Variants in HSD17B4 observed in about 807,000 individuals in gnomAD.
HSD17B4 encodes peroxisomal multifunctional enzyme type 2.
HSD17B4 carries 70 observed loss-of-function variants against 101.0 expected under a neutral mutation model. The observed-to-expected ratio is 0.69, with a 90% CI of 0.57 to 0.85. HSD17B4 has a LOEUF of 0.85. HSD17B4 is among the 40% of genes least tolerant of loss of function. HSD17B4 has a pLI of 0.00. For missense variants in HSD17B4, 984 were observed against 892.4 expected (o/e 1.10, Z -1.31); for synonymous variants, 347 against 297.1 (o/e 1.17, Z -1.73).
At chr5:119,459,585 T>C (rs568490719) in intron 2 of HSD17B4, among the ~76,000 whole-genome samples, 67 of 152,298 alleles carry the variant, frequency 4.4e-4, no homozygotes, top group South Asian at 8.3e-4. Context: ...TTATTTCTTA[T>C]AGTTATGTAG....
At chr5:119,456,661 C>T (rs754366229) in intron 2 of HSD17B4, 26 of 434,554 alleles carry the variant, frequency 6.0e-5, no homozygotes, top group Non-Finnish European at 7.6e-5. Flanking sequence ...GTGGGAGGAT[C>T]GCTTGAGACC....
At chr5:119,467,369 C>T (rs1245901169) in intron 2 of HSD17B4, among the ~76,000 whole-genome samples, 5 of 152,036 alleles carry the variant, frequency 3.3e-5, no homozygotes, top group African/African-American at 1.2e-4. Flanking sequence ...GATGATCTGC[C>T]CAATGCCATG....
chr5:119,492,664 G>T (rs1209414255), intron 10 of HSD17B4: 1 of 152,088 alleles, frequency 6.6e-6, no homozygotes, highest in Non-Finnish European at 1.5e-5. Flanking sequence ...TTCCGCTTTA[G>T]CCCAATAGTT....
intron 20 of HSD17B4, among the ~76,000 whole-genome samples, chr5:119,528,439 G>A (rs73790882): frequency 6.6e-6 from 1 of 151,990 alleles, no homozygotes; most frequent in Non-Finnish European, 1.5e-5. Flanking sequence ...CTGTCCTTCA[G>A]GCTTAAGTTC....
chr5:119,470,846 T>G (rs1409007290), intron 2 of HSD17B4, among the ~76,000 whole-genome samples: 1 of 152,238 alleles, frequency 6.6e-6, no homozygotes. Flanking sequence ...GATTTTAATT[T>G]CTGTGATTTC....
Position 119,474,417 on chromosome 5 carries a change from A to G in HSD17B4, c.237A>G (p.Gly79=). The G allele has an allele frequency of 6.2e-7, 1 of 1,609,806 alleles. No individual in the cohort carries two copies. The highest frequency in any genetic ancestry group is 1.7e-5 in the Admixed American group (1 of 60,020). The change falls in exon 4 of 24, where the codon GGA becomes GGG. Residue 79 remains glycine (G), a synonymous_variant. Coordinates refer to ENST00000510025, the MANE Select transcript of HSD17B4 (RefSeq NM_000414.4). ...AVANYDSVEE[G]EKVVKTALDA... is the part of the protein sequence containing the mutation. ...TTCCCTCAGATTCAGTGGAAGAAGG[A>G]GAGAAGGTTGTGAAGACAGCCCTGG...
At chr5:119,477,120 CA>C (rs1160954153) in intron 6 of HSD17B4, among the ~76,000 whole-genome samples, 1 of 152,004 alleles carries the variant, frequency 6.6e-6, no homozygotes, top group Non-Finnish European at 1.5e-5. Flanking sequence ...TTTATATTAG[CA>C]AAATTTTTAT....
chr5:119,504,709 T>C (rs1488047967), intron 14 of HSD17B4, among the ~76,000 whole-genome samples: 1 of 152,198 alleles, frequency 6.6e-6, no homozygotes, highest in African/African-American at 2.4e-5. Context: ...TGAGAATATT[T>C]TCTCCCATTC....
chr5:119,489,077 T>G, intron 8 of HSD17B4, 115 bp from the exon 9 acceptor site: 1 of 731,540 alleles, frequency 1.4e-6, no homozygotes, highest in South Asian at 1.5e-5. Flanking sequence ...ACTAGTTATA[T>G]ACATACTAAT....
intron 14 of HSD17B4, among the ~76,000 whole-genome samples, chr5:119,506,592 A>G (rs1751675200): frequency 6.6e-6 from 1 of 152,224 alleles, no homozygotes; most frequent in Non-Finnish European, 1.5e-5. Flanking sequence ...GAATCGCCAC[A>G]CTGTCTTCCA....
At chr5:119,509,526 T>A in intron 16 of HSD17B4, 1 of 515,746 alleles carries the variant, frequency 1.9e-6, no homozygotes, top group Middle Eastern at 4.9e-4. Context: ...ATGTTTTTCA[T>A]GACATTTTAT....
chr5:119,513,856 A>C (rs1752382876), intron 16 of HSD17B4, among the ~76,000 whole-genome samples: 1 of 152,172 alleles, frequency 6.6e-6, no homozygotes, highest in African/African-American at 2.4e-5. Flanking sequence ...TGTCCATCTT[A>C]AATGCCCTTT....
At position 119,477,426 on chromosome 5, in the gene HSD17B4, A is replaced by G. The variant is rs1357197735; in HGVS notation, c.359A>G (p.His120Arg). 3 of 1,606,784 alleles carry G rather than the reference A, an allele frequency of 1.9e-6. No homozygotes were observed. The highest frequency in any genetic ancestry group is 8.5e-7 in the Non-Finnish European group (1 of 1,173,478). The change falls in exon 7 of 24, where the codon CAC becomes CGC. Residue 120 changes from histidine to arginine, a missense_variant. By Grantham distance (29) the His-to-Arg change is conservative (BLOSUM62 0). Coordinates refer to ENST00000510025, the MANE Select transcript of HSD17B4 (RefSeq NM_000414.4). ...TAATTTATTGTTTTAGATATAATCC[A>G]CAGAGTTCATTTGCGGGGTTCATTC... ...RISDEDWDIIHRVHLRGSFQV... is the reference protein window; with the variant it reads ...RISDEDWDIIRRVHLRGSFQV...
chr5:119,516,945 A>T (rs755808484), intron 17 of HSD17B4, among the ~76,000 whole-genome samples: 2 of 152,268 alleles, frequency 1.3e-5, no homozygotes, highest in Admixed American at 6.5e-5. Flanking sequence ...GCGTGCTGGC[A>T]GTCCTCACAG....
At chr5:119,456,710 G>C (rs1392070367) in intron 2 of HSD17B4, 1 of 311,692 alleles carries the variant, frequency 3.2e-6, no homozygotes, top group Non-Finnish European at 6.1e-6. Context: ...TTATACCACT[G>C]CACTCCAATC....
At chr5:119,472,697 G>A (rs1426940064) in intron 2 of HSD17B4, 1 of 152,276 alleles carries the variant, frequency 6.6e-6, no homozygotes, top group Admixed American at 6.5e-5. Flanking sequence ...ACCTCCCAAA[G>A]TGTTGGGATT....
intron 23 of HSD17B4, among the ~76,000 whole-genome samples, chr5:119,541,242 G>A (rs528607344): frequency 1.3e-5 from 2 of 152,242 alleles, no homozygotes; most frequent in South Asian, 4.1e-4. Context: ...CTTATCACAT[G>A]TCAAACTACT....
At chr5:119,471,017 G>C (rs932144582) in intron 2 of HSD17B4, among the ~76,000 whole-genome samples, 1 of 152,086 alleles carries the variant, frequency 6.6e-6, no homozygotes, top group Non-Finnish European at 1.5e-5. Context: ...GCCTGGTTGC[G>C]CTTTGTAAAA....
intron 13 of HSD17B4, among the ~76,000 whole-genome samples, chr5:119,501,804 A>G (rs1228673736): frequency 1.3e-5 from 2 of 152,172 alleles, no homozygotes; most frequent in Non-Finnish European, 2.9e-5. Flanking sequence ...GGCTTTATGA[A>G]CGCCAAGAAA....
Sources: gnomAD v4.1 joint callset for allele counts (sites outside exome capture counted in the v4.1 genomes callset) on GRCh38, gnomAD v4.1.1 for gene constraint, MANE v1.5 for transcripts, NCBI Gene and HGNC (gene_info 2026-07-23, HGNC 2026-07-21) for gene names.